PCDHGB1: variants seen among roughly 807,000 people sequenced by gnomAD.
PCDHGB1 encodes protocadherin gamma-B1.
Under a neutral mutation model 56.6 loss-of-function variants are expected in PCDHGB1, and 34 were observed. That is an observed-to-expected ratio of 0.60 (90% CI 0.46 to 0.80). The LOEUF (loss-of-function observed/expected upper bound fraction) is 0.80. PCDHGB1 is among the 30% of genes least tolerant of loss of function. The pLI, the probability that PCDHGB1 is intolerant of heterozygous loss-of-function variation, is 0.00. For missense variants in PCDHGB1, 1,278 were observed against 1,204.6 expected, an observed-to-expected ratio of 1.06 and a Z score of -0.90; for synonymous variants, 561 against 505.9, an observed-to-expected ratio of 1.11 and a Z score of -1.46.
chr5:141,383,187 C>A (rs572411306), intron 1 of PCDHGB1: 2 of 1,614,076 alleles, frequency 1.2e-6, no homozygotes, highest in Non-Finnish European at 1.7e-6. Context: ...AAGAGATCTG[C>A]GCTCAGAGTG....
At position 141,355,838 on chromosome 5, in the gene PCDHGB1, C is replaced by T. The variant is rs201855847; in HGVS notation, c.2409+3169C>T. ...GAGGCGGTTCACCACCTCGTTCTCA[C>T]GGCCTTCGATGGAGGTGACCCGGTT... On this transcript the variant is annotated intron_variant, in intron 1 of 3. Coordinates refer to ENST00000523390, the MANE Select transcript of PCDHGB1 (RefSeq NM_018922.3). The T allele has an allele frequency of 8.7e-6, 14 of 1,611,996 alleles. No individual in the cohort carries two copies. In the South Asian group the frequency reaches 9.9e-5, roughly 11 times the overall value.
chr5:141,457,574 T>C (rs992522039), intron 1 of PCDHGB1, among the ~76,000 whole-genome samples: 2 of 152,238 alleles, frequency 1.3e-5, no homozygotes, highest in Non-Finnish European at 2.9e-5. Context: ...AAAATTTTTC[T>C]CTCCAGTCCT....
chr5:141,355,932 G>T lies in PCDHGB1; in HGVS notation c.2409+3263G>T, dbSNP rs139771811. The T allele has an allele frequency of 2.6e-4, 413 of 1,613,772 alleles. 2 individuals are homozygous for T. The African/African-American group carries it at 4.6e-3, about 18-fold the overall frequency. Reference sequence around the variant, plus strand: ...ACGATAATGCTCCCGTGTTCACTCAGCCCGAGTACCACGTAAGTGTTCGTG... The same window carrying T: ...ACGATAATGCTCCCGTGTTCACTCATCCCGAGTACCACGTAAGTGTTCGTG... On this transcript the variant is annotated intron_variant, in intron 1 of 3. Transcript: ENST00000523390.
chr5:141,365,878 T>C (rs745332841), intron 1 of PCDHGB1: 4 of 1,614,104 alleles, frequency 2.5e-6, no homozygotes. Context: ...TCCTGTATGC[T>C]CTGAGATCCT....
At chr5:141,356,230 G>T in intron 1 of PCDHGB1, 1 of 1,592,426 alleles carries the variant, frequency 6.3e-7, no homozygotes, top group Non-Finnish European at 8.6e-7. Context: ...AAATGACAAC[G>T]CACCAGAAGT....
intron 2 of PCDHGB1, among the ~76,000 whole-genome samples, chr5:141,501,015 C>T (rs950216755): frequency 6.6e-5 from 10 of 151,866 alleles, no homozygotes; most frequent in African/African-American, 2.4e-4. Context: ...ACTACAGGCA[C>T]GCGCCACCAC....
At chr5:141,389,180 CA>C (rs2091638521) in intron 1 of PCDHGB1, 6 of 1,614,034 alleles carry the variant, frequency 3.7e-6, no homozygotes, top group Non-Finnish European at 5.1e-6. Context: ...CCCTCTCCTC[CA>C]GTTCCAGCAT....
intron 1 of PCDHGB1, chr5:141,413,526 G>A: frequency 6.2e-7 from 1 of 1,613,936 alleles, no homozygotes; most frequent in Non-Finnish European, 8.5e-7. Context: ...TGGAAGACAG[G>A]GTGAAACTTT....
At chr5:141,382,943 T>G in intron 1 of PCDHGB1, 2 of 1,596,184 alleles carry the variant, frequency 1.3e-6, no homozygotes, top group African/African-American at 1.3e-5. Flanking sequence ...GGATTCTTCC[T>G]GCTCTCCATC....
At chr5:141,463,738 G>A (rs1002263384) in intron 1 of PCDHGB1, among the ~76,000 whole-genome samples, 4 of 151,978 alleles carry the variant, frequency 2.6e-5, no homozygotes, top group Admixed American at 2.6e-4. Flanking sequence ...GAGCCACCGC[G>A]CCCGGCCTGC....
chr5:141,494,441 C>T (rs1187169994), intron 1 of PCDHGB1, among the ~76,000 whole-genome samples: 2 of 152,154 alleles, frequency 1.3e-5, no homozygotes, highest in African/African-American at 4.8e-5. Context: ...TCCTTTGCCA[C>T]TTTAGGGGGC....
chr5:141,503,616 A>G (rs1260134621), intron 2 of PCDHGB1, among the ~76,000 whole-genome samples: 2 of 150,944 alleles, frequency 1.3e-5, no homozygotes, highest in African/African-American at 2.4e-5. Context: ...AAAAAAAAAG[A>G]AAAAAGAAAA....
intron 1 of PCDHGB1, among the ~76,000 whole-genome samples, chr5:141,435,715 A>G (rs528951395): frequency 6.6e-6 from 1 of 152,328 alleles, no homozygotes; most frequent in African/African-American, 2.4e-5. Context: ...ACAGACACTG[A>G]ATGCTAAAGT....
chr5:141,508,183 A>G (rs1596134418), intron 3 of PCDHGB1: 1 of 152,336 alleles, frequency 6.6e-6, no homozygotes, highest in African/African-American at 2.4e-5. Context: ...GAGAGAAGGC[A>G]TCACCCCCAC....
At chr5:141,393,777 G>A (rs1388423635) in intron 1 of PCDHGB1, 2 of 1,613,916 alleles carry the variant, frequency 1.2e-6, no homozygotes, top group East Asian at 2.2e-5. Context: ...AATACAAGCC[G>A]AAGATGTGGG....
intron 1 of PCDHGB1, chr5:141,364,295 A>G: frequency 6.6e-7 from 1 of 1,520,404 alleles, no homozygotes; most frequent in South Asian, 1.3e-5. Context: ...AGCAGGCTGA[A>G]CCAGAACTAA....
intron 1 of PCDHGB1, among the ~76,000 whole-genome samples, chr5:141,450,894 G>C (rs919860611): frequency 6.7e-6 from 1 of 148,956 alleles, no homozygotes; most frequent in Admixed American, 6.7e-5. Context: ...GTGCGATATC[G>C]GCTCACTGCA....
At chr5:141,478,629 T>A in intron 1 of PCDHGB1, 1 of 1,553,688 alleles carries the variant, frequency 6.4e-7, no homozygotes, top group Non-Finnish European at 8.7e-7. Context: ...AGCTGTTTTT[T>A]TAGTGATGAA....
intron 1 of PCDHGB1, among the ~76,000 whole-genome samples, chr5:141,381,670 T>C (rs1383738220): frequency 6.6e-6 from 1 of 152,198 alleles, no homozygotes; most frequent in Non-Finnish European, 1.5e-5. Context: ...CTATAGCTGA[T>C]TGCTGCAGCC....
Sources: allele counts gnomAD v4.1 joint callset (sites outside exome capture counted in the v4.1 genomes callset), GRCh38; gene constraint gnomAD v4.1.1; transcripts MANE v1.5; gene names NCBI Gene and HGNC (gene_info 2026-07-23, HGNC 2026-07-21).